NPB: variants seen among roughly 807,000 people sequenced by gnomAD.
NPB encodes the protein neuropeptide B.
Under a neutral mutation model 6.7 loss-of-function variants are expected in NPB, and 8 were observed. The observed-to-expected ratio is 1.20, with a 90% confidence interval of 0.71 to 2.17. NPB has a LOEUF of 2.17. Ranked by LOEUF, NPB falls within the 30% of genes most tolerant of loss-of-function variation. NPB has a pLI of 0.00. For missense variants in NPB, 199 were observed against 190.2 expected, an observed-to-expected ratio of 1.05 and a Z score of -0.27; for synonymous variants, 118 against 103.4, an observed-to-expected ratio of 1.14 and a Z score of -0.86.
rs1253473346 is a variant in NPB, at chr17:81,902,731, G to C, written c.361G>C (p.Asp121His). ...CGTCTTCCTGTCCCTGCGCGCAGCC[G>C]ACTGCCTCGCCGCCTGAGCCCGGAC... ...ANVFLSLRAA[D>H]CLAA The change falls in exon 2 of 2, where the codon GAC becomes CAC. Residue 121 changes from aspartate to histidine, a missense_variant. Transcript: ENST00000333383. The C allele has an allele frequency of 1.2e-6, 2 of 1,607,358 alleles. No homozygotes were observed. The highest frequency in any genetic ancestry group is 2.2e-5 in the South Asian group (2 of 90,430).
Position 81,902,828 on chromosome 17 carries a change from G to C in NPB, c.*80G>C. 7.5e-7 allele frequency: 1 copy of C among 1,336,576 alleles called. No individual in the cohort carries two copies. The allele number at this position is 1,336,576 out of a possible 1,614,324, so 82.8% of individuals were successfully genotyped here. Reference sequence around the variant, plus strand: ...GTGACCCCAGGCCCCTCCGGCGCGGGATGGCGCCCCAGGTCTCCCCTACTC... The same window carrying C: ...GTGACCCCAGGCCCCTCCGGCGCGGCATGGCGCCCCAGGTCTCCCCTACTC... On this transcript the variant is annotated 3_prime_UTR_variant, in exon 2 of 2. Coordinates refer to ENST00000333383, the MANE Select transcript of NPB (RefSeq NM_148896.5).
At position 81,902,723 on chromosome 17, in the gene NPB, G is replaced by A. The variant is rs922678010; in HGVS notation, c.353G>A (p.Arg118His). 2 of 1,608,040 alleles carry A rather than the reference G, an allele frequency of 1.2e-6. No homozygotes were observed. The highest frequency in any genetic ancestry group is 1.7e-6 in the Non-Finnish European group (2 of 1,178,400). ...QCKANVFLSL[R>H]AADCLAA ...AAGGCGAACGTCTTCCTGTCCCTGCGCGCAGCCGACTGCCTCGCCGCCTGA... is the reference window on the plus strand; with the variant it reads ...AAGGCGAACGTCTTCCTGTCCCTGCACGCAGCCGACTGCCTCGCCGCCTGA... Residue 118 changes from arginine to histidine, a missense_variant, in exon 2 of 2, where the codon CGC becomes CAC. Transcript: ENST00000333383.
rs2040009756 is a variant in NPB, at chr17:81,902,737, C to T, written c.367C>T (p.Leu123Phe). Residue 123 changes from leucine (L) to phenylalanine (F), a missense_variant, in exon 2 of 2, where the codon CTC becomes TTC. Coordinates refer to ENST00000333383, the MANE Select transcript of NPB (RefSeq NM_148896.5). Reference sequence around the variant, plus strand: ...CCTGTCCCTGCGCGCAGCCGACTGCCTCGCCGCCTGAGCCCGGACCTCTCC... The same window carrying T: ...CCTGTCCCTGCGCGCAGCCGACTGCTTCGCCGCCTGAGCCCGGACCTCTCC... ...VFLSLRAADCLAA is the reference protein window; with the variant it reads ...VFLSLRAADCFAA The T allele has an allele frequency of 1.2e-6, 2 of 1,606,822 alleles. No individual in the cohort carries two copies. The highest frequency in any genetic ancestry group is 1.7e-6 in the Non-Finnish European group (2 of 1,177,990).
At position 81,902,620 on chromosome 17, in the gene NPB, G is replaced by A. The variant is rs775217829; in HGVS notation, c.250G>A (p.Ala84Thr). The change falls in exon 2 of 2, where the codon GCT (alanine) becomes ACT (threonine). Residue 84 changes from alanine (A) to threonine (T), a missense_variant and splice_region_variant. Physicochemically the swap from Ala to Thr is moderately conservative, Grantham distance 58. Transcript: ENST00000333383. ...CAGCCTTTGCTTGCCTGCCCCCCAG[G>A]CTGTGTGCGTCCAGGACGTCGCCCC... ...LQLHPRLRSLAVCVQDVAPNL... is the reference protein window; with the variant it reads ...LQLHPRLRSLTVCVQDVAPNL... The A allele has an allele frequency of 1.4e-5, 23 of 1,587,460 alleles. No individual in the cohort carries two copies. Among genetic ancestry groups the A allele is most frequent in the Admixed American group, 1.0e-4 (6 of 57,210 alleles).
In NPB at chr17:81,902,412, C is replaced by G; in HGVS notation, c.135C>G (p.Ser45=). ...YSVGRAAGLL[S]GLRRSPYARR... is the part of the protein sequence containing the mutation. ...TGGGCCGCGCCGCGGGGCTGCTGTC[C>G]GGCCTCCGCAGGTCCCCGTACGCGC... is the stretch of plus-strand genomic sequence containing the variant. Residue 45 remains serine, a synonymous_variant, in exon 1 of 2, where the codon TCC becomes TCG. Transcript: ENST00000333383. The G allele has an allele frequency of 7.4e-7, 1 of 1,347,848 alleles. No homozygotes were observed. The highest frequency in any genetic ancestry group is 1.9e-5 in the South Asian group (1 of 53,526). 83.5% of individuals were successfully genotyped at this position (1,347,848 alleles called of 1,614,324 possible). A position where few individuals can be genotyped will look rare whatever the true frequency, so the allele number is the denominator to read the frequency against.
chr17:81,902,858 C>T lies in NPB; in HGVS notation c.*110C>T. 2 of 949,746 alleles carry T rather than the reference C, an allele frequency of 2.1e-6. No homozygotes were observed. Among genetic ancestry groups the T allele is most frequent in the Admixed American group, 3.0e-5 (1 of 33,148 alleles). The allele number at this position is 949,746 out of a possible 1,614,324, so 58.8% of individuals were successfully genotyped here. On this transcript the variant is annotated 3_prime_UTR_variant, in exon 2 of 2. Coordinates refer to ENST00000333383, the MANE Select transcript of NPB (RefSeq NM_148896.5). Reference sequence around the variant, plus strand: ...CGCCCCAGGTCTCCCCTACTCCGCTCACCCCGCAGTTAATGGCAAACGAAT... The same window carrying T: ...CGCCCCAGGTCTCCCCTACTCCGCTTACCCCGCAGTTAATGGCAAACGAAT...
intron 1 of NPB, 34 bp from the exon 2 acceptor site, chr17:81,902,586 G>A (rs1402828112): frequency 1.3e-6 from 2 of 1,523,828 alleles, no homozygotes; most frequent in Non-Finnish European, 1.8e-6. Flanking sequence ...TGGGGGTGCG[G>A]CGGCCCCTCA....
In NPB at chr17:81,902,387, T is replaced by TGGGCCGCGCCGCGGGGCTGC; in HGVS notation, c.111_130dup (p.Leu44ArgfsTer109). On this transcript the variant is annotated frameshift_variant, in exon 1 of 2. Transcript: ENST00000333383. LOFTEE classifies it high-confidence loss of function. ...GCGGCGGGGCACAGCTCCTACTCGG[T>TGGGCCGCGCCGCGGGGCTGC]GGGCCGCGCCGCGGGGCTGCTGTCC... The TGGGCCGCGCCGCGGGGCTGC allele has an allele frequency of 1.5e-6, 2 of 1,342,456 alleles. No individual in the cohort carries two copies. Among genetic ancestry groups the TGGGCCGCGCCGCGGGGCTGC allele is most frequent in the Non-Finnish European group, 1.9e-6 (2 of 1,053,840 alleles). 83.2% of individuals were successfully genotyped at this position (1,342,456 alleles called of 1,614,324 possible).
At chr17:81,902,550 G>C (rs901357264) in intron 1 of NPB, 24 bp downstream of exon 1, 5 of 1,492,776 alleles carry the variant, frequency 3.3e-6, no homozygotes, top group African/African-American at 2.9e-5. Flanking sequence ...GCCGGGGACT[G>C]ATGGGGGGCG....
rs141286560 is a variant in NPB, at chr17:81,902,667, G to T, written c.297G>T (p.Arg99=). Reference sequence around the variant, plus strand: ...CCCCAAACCTGCAGAGGTGCGAGCGGCTCCCCGACGGCCGCGGGACCTACC... The same window carrying T: ...CCCCAAACCTGCAGAGGTGCGAGCGTCTCCCCGACGGCCGCGGGACCTACC... ...DVAPNLQRCE[R]LPDGRGTYQC... is the part of the protein sequence containing the mutation. The change falls in exon 2 of 2, where the codon CGG becomes CGT. Residue 99 remains arginine, a synonymous_variant. Coordinates refer to ENST00000333383, the MANE Select transcript of NPB (RefSeq NM_148896.5). The T allele has an allele frequency of 8.1e-6, 13 of 1,607,248 alleles. No individual in the cohort carries two copies. Among genetic ancestry groups the T allele is most frequent in the Non-Finnish European group, 1.1e-5 (13 of 1,178,506 alleles).
In NPB at chr17:81,902,811, A is replaced by G. The variant is rs2040014986; in HGVS notation, c.*63A>G. The G allele has an allele frequency of 1.4e-6, 2 of 1,471,880 alleles. No homozygotes were observed. Among genetic ancestry groups the G allele is most frequent in the Non-Finnish European group, 1.8e-6 (2 of 1,102,490 alleles). 91.2% of individuals were successfully genotyped at this position (1,471,880 alleles called of 1,614,324 possible). A position where few individuals can be genotyped will look rare whatever the true frequency, so the allele number is the denominator to read the frequency against. On this transcript the variant is annotated 3_prime_UTR_variant, in exon 2 of 2. Coordinates refer to ENST00000333383, the MANE Select transcript of NPB (RefSeq NM_148896.5). ...CCCCACCGTCCCACTCGGTGACCCC[A>G]GGCCCCTCCGGCGCGGGATGGCGCC...
chr17:81,902,611 G>C lies in NPB; in HGVS notation c.250-9G>C. The stretch of plus-strand genomic sequence containing the variant: ...GCGGCCCCTCAGCCTTTGCTTGCCT[G>C]CCCCCCAGGCTGTGTGCGTCCAGGA... On this transcript the variant is annotated splice_polypyrimidine_tract_variant and intron_variant, in intron 1 of 1. Coordinates refer to ENST00000333383, the MANE Select transcript of NPB (RefSeq NM_148896.5). The C allele has an allele frequency of 6.4e-7, 1 of 1,568,820 alleles. No homozygotes were observed. Among genetic ancestry groups the C allele is most frequent in the Non-Finnish European group, 8.6e-7 (1 of 1,162,768 alleles).
rs764580925 is a variant in NPB, at chr17:81,902,776, G to T, written c.*28G>T. ...CCGGACCTCTCCTGGCACCGCTGGGGGCCCCCCGCCCCCACCGTCCCACTC... is the reference window on the plus strand; with the variant it reads ...CCGGACCTCTCCTGGCACCGCTGGGTGCCCCCCGCCCCCACCGTCCCACTC... On this transcript the variant is annotated 3_prime_UTR_variant, in exon 2 of 2. Transcript: ENST00000333383. 2.5e-6 allele frequency: 4 copies of T among 1,581,996 alleles called. No individual in the cohort carries two copies. The highest frequency in any genetic ancestry group is 3.4e-6 in the Non-Finnish European group (4 of 1,167,148).
Position 81,902,379 on chromosome 17 carries a change from C to T in NPB, c.102C>T (p.Ser34=). The T allele has an allele frequency of 2.2e-6, 3 of 1,343,204 alleles. No homozygotes were observed. Among genetic ancestry groups the T allele is most frequent in the South Asian group, 1.9e-5 (1 of 52,370 alleles). The allele number at this position is 1,343,204 out of a possible 1,614,324, so 83.2% of individuals were successfully genotyped here. ...ACAAGCCAGCGGCGGGGCACAGCTC[C>T]TACTCGGTGGGCCGCGCCGCGGGGC... The part of the protein sequence containing the change: ...AWYKPAAGHS[S]YSVGRAAGLL... The change falls in exon 1 of 2, where the codon TCC becomes TCT. Residue 34 remains serine (S), a synonymous_variant. Transcript: ENST00000333383.
Position 81,902,789 on chromosome 17 carries a change from C to T in NPB, c.*41C>T. ...GGCACCGCTGGGGGCCCCCCGCCCCCACCGTCCCACTCGGTGACCCCAGGC... is the reference window on the plus strand; with the variant it reads ...GGCACCGCTGGGGGCCCCCCGCCCCTACCGTCCCACTCGGTGACCCCAGGC... On this transcript the variant is annotated 3_prime_UTR_variant, in exon 2 of 2. Coordinates refer to ENST00000333383, the MANE Select transcript of NPB (RefSeq NM_148896.5). 6.4e-7 allele frequency: 1 copy of T among 1,562,972 alleles called. No individual in the cohort carries two copies. Among genetic ancestry groups the T allele is most frequent in the Non-Finnish European group, 8.6e-7 (1 of 1,157,286 alleles).
In NPB at chr17:81,902,480, C is replaced by T. The variant is rs1399324082; in HGVS notation, c.203C>T (p.Ala68Val). The T allele has an allele frequency of 3.6e-6, 5 of 1,395,648 alleles. No homozygotes were observed. Among genetic ancestry groups the T allele is most frequent in the Non-Finnish European group, 4.6e-6 (5 of 1,083,580 alleles). The allele number at this position is 1,395,648 out of a possible 1,614,324, so 86.5% of individuals were successfully genotyped here. The change falls in exon 1 of 2, where the codon GCC becomes GTC. Residue 68 changes from alanine (A) to valine (V), a missense_variant. Physicochemically the swap from Ala to Val is moderately conservative, Grantham distance 64 (BLOSUM62 0). Coordinates refer to ENST00000333383, the MANE Select transcript of NPB (RefSeq NM_148896.5). ...AGAGGGGCGGAACCCCCGGGCGGGGCCGGCGCCTCCCCGGAGCTGCAACTG... is the reference window on the plus strand; with the variant it reads ...AGAGGGGCGGAACCCCCGGGCGGGGTCGGCGCCTCCCCGGAGCTGCAACTG... ...PYRGAEPPGG[A>V]GASPELQLHP...
chr17:81,902,498 T>A lies in NPB; in HGVS notation c.221T>A (p.Leu74Gln), dbSNP rs1443962055. The A allele has an allele frequency of 3.5e-6, 5 of 1,418,842 alleles. No individual in the cohort carries two copies. The highest frequency in any genetic ancestry group is 1.5e-5 in the African/African-American group (1 of 65,934). 87.9% of individuals were successfully genotyped at this position (1,418,842 alleles called of 1,614,324 possible). Residue 74 changes from leucine (L) to glutamine (Q), a missense_variant, in exon 1 of 2, where the codon CTG (leucine) becomes CAG (glutamine). Transcript: ENST00000333383. ...GGCGGGGCCGGCGCCTCCCCGGAGC[T>A]GCAACTGCACCCCAGGCTGCGGAGC... The part of the protein sequence containing the change: ...PPGGAGASPE[L>Q]QLHPRLRSLA...
Position 81,902,302 on chromosome 17 carries a change from G to A in NPB, c.25G>A (p.Ala9Thr), listed in dbSNP as rs1048443293. The change falls in exon 1 of 2, where the codon GCC becomes ACC. Residue 9 changes from alanine (A) to threonine (T), a missense_variant. By Grantham distance (58) the Ala-to-Thr change is moderately conservative. Transcript: ENST00000333383. ...CATGGCCCGGTCCGCGACACTGGCG[G>A]CCGCCGCCCTGGCGCTGTGCCTGCT... MARSATLA[A>T]AALALCLLLA... The A allele has an allele frequency of 3.0e-6, 4 of 1,323,972 alleles. No individual in the cohort carries two copies. The highest frequency in any genetic ancestry group is 1.9e-6 in the Non-Finnish European group (2 of 1,043,870). The allele number at this position is 1,323,972 out of a possible 1,614,324, so 82.0% of individuals were successfully genotyped here. A position where few individuals can be genotyped will look rare whatever the true frequency, so the allele number is the denominator to read the frequency against.
In NPB at chr17:81,902,247, C is replaced by T; in HGVS notation, c.-31C>T. 8.1e-7 allele frequency: 1 copy of T among 1,229,544 alleles called. No homozygotes were observed. Among genetic ancestry groups the T allele is most frequent in the Non-Finnish European group, 1.0e-6 (1 of 986,560 alleles). The allele number at this position is 1,229,544 out of a possible 1,614,324, so 76.2% of individuals were successfully genotyped here. On this transcript the variant is annotated 5_prime_UTR_variant, in exon 1 of 2. The change creates a new upstream start codon in the 5' untranslated region. Coordinates refer to ENST00000333383, the MANE Select transcript of NPB (RefSeq NM_148896.5). ...AGGCGGTGGCTGCTCCGAGCCCGGA[C>T]GCCGCCGCCCACCAGTCAGCCGGCG...
Sources: gnomAD v4.1 joint callset for allele counts on GRCh38, gnomAD v4.1.1 for gene constraint, MANE v1.5 for transcripts, NCBI Gene and HGNC (gene_info 2026-07-23, HGNC 2026-07-21) for gene names.